Variants in CIP2A observed in about 807,000 individuals in gnomAD.
CIP2A encodes protein CIP2A.
CIP2A carries 103 observed loss-of-function variants against 110.9 expected under a neutral mutation model. That is an observed-to-expected ratio of 0.93 (90% confidence interval 0.79 to 1.09). The LOEUF (loss-of-function observed/expected upper bound fraction) is 1.09, where lower values mean the gene tolerates loss of function less well. Among genes scored for constraint, CIP2A ranks in the 50% least tolerant of loss-of-function variants. CIP2A has a pLI of 0.00. For synonymous variants in CIP2A, 381 were observed against 361.6 expected (o/e 1.05, Z -0.61); for missense variants, 1,088 against 1,038.4 (o/e 1.05, Z -0.66).
chr3:108,576,332 G>T lies in CIP2A; in HGVS notation c.833C>A (p.Ser278Tyr). The T allele has an allele frequency of 6.5e-7, 1 of 1,548,950 alleles. No homozygotes were observed. Among genetic ancestry groups the T allele is most frequent in the South Asian group, 1.2e-5 (1 of 82,472 alleles). ...ACCTAATACTTGGTGAAGACATGAA[G>T]AAAAGTGCTCATATCTAGGTTTAGA... is the stretch of plus-strand genomic sequence containing the variant. ...ADYLTRYEHF[S>Y]SCLHQVLGLL... Residue 278 changes from serine (S) to tyrosine (Y), a missense_variant, in exon 8 of 21, where the codon TCT (serine) becomes TAT (tyrosine). Physicochemically the swap from Ser to Tyr is moderately radical, Grantham distance 144 (BLOSUM62 -2). Coordinates refer to ENST00000295746, the MANE Select transcript of CIP2A (RefSeq NM_020890.3).
chr3:108,561,780 G>C (rs947180098), intron 13 of CIP2A, among the ~76,000 whole-genome samples: 2 of 152,142 alleles, frequency 1.3e-5, no homozygotes, highest in African/African-American at 4.8e-5. Flanking sequence ...GCATTAAATA[G>C]TAAGCATAAA....
intron 8 of CIP2A, among the ~76,000 whole-genome samples, chr3:108,571,328 GGTTT>G (rs1012201880): frequency 9.2e-5 from 14 of 152,116 alleles, no homozygotes; most frequent in Non-Finnish European, 1.6e-4. Flanking sequence ...CAGCTCAGTA[GGTTT>G]GTTTACACCA....
chr3:108,563,073 T>C (rs1403178410), intron 13 of CIP2A, 53 bp downstream of exon 13: 2 of 1,112,574 alleles, frequency 1.8e-6, no homozygotes, highest in African/African-American at 1.5e-5. Context: ...TAAAGAGACA[T>C]AGCAGGGTAT....
At chr3:108,573,012 AG>A (rs1318631614) in intron 8 of CIP2A, among the ~76,000 whole-genome samples, 6 of 152,100 alleles carry the variant, frequency 3.9e-5, no homozygotes, top group Non-Finnish European at 8.8e-5. Flanking sequence ...TATCTTGAAT[AG>A]GTATTAAATT....
In CIP2A at chr3:108,569,255, T is replaced by C. The variant is rs548627299; in HGVS notation, c.1113+134A>G. ...CTGGCAGAAAAAAACCTAGCGAGTC[T>C]AGTATGACTGTTAGTAATTGAGATG... On this transcript the variant is annotated intron_variant, in intron 9 of 20. Coordinates refer to ENST00000295746, the MANE Select transcript of CIP2A (RefSeq NM_020890.3). The C allele has an allele frequency of 2.5e-4, 167 of 664,558 alleles. No homozygotes were observed. The Middle Eastern group carries it at 2.5e-3, about 10-fold the overall frequency. The allele number at this position is 664,558 out of a possible 1,614,324, so 41.2% of individuals were successfully genotyped here. A position where few individuals can be genotyped will look rare whatever the true frequency, so the allele number is the denominator to read the frequency against.
intron 2 of CIP2A, among the ~76,000 whole-genome samples, chr3:108,583,899 T>C (rs993441765): frequency 1.3e-5 from 2 of 152,172 alleles, no homozygotes; most frequent in Non-Finnish European, 2.9e-5. Context: ...ATATTATGTA[T>C]CTGTGAAAAA....
intron 7 of CIP2A, among the ~76,000 whole-genome samples, chr3:108,578,819 C>T (rs1259220193): frequency 1.3e-5 from 2 of 152,052 alleles, no homozygotes; most frequent in East Asian, 1.9e-4. Flanking sequence ...AAAAGAGGCA[C>T]ACACCAAAGG....
intron 1 of CIP2A, among the ~76,000 whole-genome samples, chr3:108,586,203 G>A (rs1443860368): frequency 6.6e-6 from 1 of 152,008 alleles, no homozygotes; most frequent in Non-Finnish European, 1.5e-5. Flanking sequence ...TTCTTCTAAG[G>A]CTTTGCTGAT....
At chr3:108,565,030 A>G (rs1938136581) in intron 12 of CIP2A, among the ~76,000 whole-genome samples, 1 of 151,874 alleles carries the variant, frequency 6.6e-6, no homozygotes, top group Admixed American at 6.6e-5. Context: ...CCTAAAACAA[A>G]TATCACTCTT....
intron 1 of CIP2A, among the ~76,000 whole-genome samples, chr3:108,587,646 A>G (rs1318386883): frequency 2.0e-5 from 3 of 152,222 alleles, no homozygotes; most frequent in African/African-American, 7.2e-5. Context: ...TTAATTACAA[A>G]AAGTCCTTTT....
At chr3:108,563,379 T>C in intron 12 of CIP2A, 135 bp from the exon 13 acceptor site, 1 of 645,534 alleles carries the variant, frequency 1.5e-6, no homozygotes, top group South Asian at 1.9e-5. Flanking sequence ...TTTGAATATA[T>C]TATAGTCTAT....
intron 17 of CIP2A, 71 bp from the exon 18 acceptor site, chr3:108,554,560 T>C: frequency 1.5e-6 from 1 of 674,402 alleles, no homozygotes; most frequent in Non-Finnish European, 2.6e-6. Flanking sequence ...AAGCTCACAG[T>C]GTTTTCTTTA....
chr3:108,581,141 A>C (rs1311555596), intron 5 of CIP2A, among the ~76,000 whole-genome samples: 9 of 152,190 alleles, frequency 5.9e-5, no homozygotes, highest in Admixed American at 4.6e-4. Context: ...TGTACTACTC[A>C]ATGTAATAAA....
chr3:108,580,155 C>CA (rs950380311), intron 5 of CIP2A, among the ~76,000 whole-genome samples: 4 of 151,840 alleles, frequency 2.6e-5, no homozygotes, highest in Non-Finnish European at 4.4e-5. Flanking sequence ...GTGGTGGAAG[C>CA]AAAAAAAATT....
chr3:108,574,972 G>C (rs1938519499), intron 8 of CIP2A: 1 of 152,412 alleles, frequency 6.6e-6, no homozygotes, highest in South Asian at 2.1e-4. Flanking sequence ...TGAAGACATG[G>C]CGGCTGAGAA....
intron 14 of CIP2A, 29 bp from the exon 15 acceptor site, chr3:108,560,057 A>G: frequency 7.6e-7 from 1 of 1,314,606 alleles, no homozygotes; most frequent in South Asian, 1.3e-5. Context: ...AAAACTTAAA[A>G]TTTTAATAAA....
rs760405840 is a variant in CIP2A at position 108,563,171 on chromosome 3, C to A, written c.1589G>T (p.Arg530Ile). ...DNREQVQSGL[R>I]ILLEAAPLPD... Reference sequence around the variant, plus strand: ...CAGTGGAGCAGCCTCCAATAATATTCTCAGTCCAGACTGTACTTGTTCTCT... The same window carrying A: ...CAGTGGAGCAGCCTCCAATAATATTATCAGTCCAGACTGTACTTGTTCTCT... The change falls in exon 13 of 21, where the codon AGA (arginine) becomes ATA (isoleucine). Residue 530 changes from arginine (R) to isoleucine (I), a missense_variant. Physicochemically the swap from Arg to Ile is moderately conservative, Grantham distance 97. Transcript: ENST00000295746. 1.9e-6 allele frequency: 3 copies of A among 1,612,896 alleles called. No homozygotes were observed. Among genetic ancestry groups the A allele is most frequent in the Non-Finnish European group, 2.5e-6 (3 of 1,179,124 alleles).
At position 108,569,522 on chromosome 3, in the gene CIP2A, C is replaced by T; in HGVS notation, c.980G>A (p.Gly327Asp). ...AGTATGGCTTCCCAGAGTGGCGCTG[C>T]CAGGTGGAGACTGTTCAAACATCAT... ...TQMMFEQSPP[G>D]SATLGSHTKC... Residue 327 changes from glycine to aspartate, a missense_variant, in exon 9 of 21, where the codon GGC (glycine) becomes GAC (aspartate). By Grantham distance (94) the Gly-to-Asp change is moderately conservative (BLOSUM62 -1). Transcript: ENST00000295746. 6.2e-7 allele frequency: 1 copy of T among 1,612,672 alleles called. No individual in the cohort carries two copies. The highest frequency in any genetic ancestry group is 8.5e-7 in the Non-Finnish European group (1 of 1,179,290).
In CIP2A at chr3:108,550,353, A is replaced by T. The variant is rs573975471; in HGVS notation, c.*796T>A. 1 of 151,750 alleles carries T rather than the reference A, an allele frequency of 6.6e-6. No homozygotes were observed. Among genetic ancestry groups the T allele is most frequent in the African/African-American group, 2.4e-5 (1 of 41,576 alleles). 9.4% of individuals were successfully genotyped at this position (151,750 alleles called of 1,614,324 possible). On this transcript the variant is annotated 3_prime_UTR_variant, in exon 21 of 21. Coordinates refer to ENST00000295746, the MANE Select transcript of CIP2A (RefSeq NM_020890.3). ...TTTTCTGAATATGCAGCAAGAGTAG[A>T]ATCCAAATTATCCTTATGTAAATCA...
Sources: allele counts gnomAD v4.1 joint callset (sites outside exome capture counted in the v4.1 genomes callset), GRCh38; gene constraint gnomAD v4.1.1; transcripts MANE v1.5; gene names NCBI Gene and HGNC (gene_info 2026-07-23, HGNC 2026-07-21).